Variants in TBRG4 observed in about 807,000 individuals in gnomAD.
The protein encoded by TBRG4 is FAST kinase domain-containing protein 4.
TBRG4 carries 43 observed loss-of-function variants against 65.6 expected under a neutral mutation model. The observed-to-expected ratio is 0.66, with a 90% confidence interval of 0.51 to 0.85. The LOEUF (loss-of-function observed/expected upper bound fraction) is 0.85, where lower values mean the gene tolerates loss of function less well. Ranked by LOEUF, TBRG4 falls within the 40% of genes least tolerant of loss-of-function variation. TBRG4 has a pLI of 0.00. For synonymous variants in TBRG4, 366 were observed against 341.4 expected, an observed-to-expected ratio of 1.07 and a Z score of -0.79; for missense variants, 709 against 787.9, an observed-to-expected ratio of 0.90 and a Z score of 1.20.
In TBRG4 at chr7:45,109,300, AGGAGAGAGAAG is replaced by A; in HGVS notation, c.-50-24_-50-14del. 6.6e-7 allele frequency: 1 copy of A among 1,510,408 alleles called. No homozygotes were observed. Among genetic ancestry groups the A allele is most frequent in the Non-Finnish European group, 8.8e-7 (1 of 1,133,376 alleles). 93.6% of individuals were successfully genotyped at this position (1,510,408 alleles called of 1,614,324 possible). ...GTGATTCCAAACCCTGAAGAGAAAA[AGGAGAGAGAAG>A]GGGCTACTACAGGGGCAGTTCCTGA... On this transcript the variant is annotated splice_polypyrimidine_tract_variant and intron_variant, in intron 1 of 10. Transcript: ENST00000258770.
chr7:45,105,362 G>A, intron 3 of TBRG4, 79 bp downstream of exon 3: 4 of 1,465,610 alleles, frequency 2.7e-6, no homozygotes, highest in Non-Finnish European at 3.7e-6. Context: ...GCACCCCTCT[G>A]CAGACAACTG....
At chr7:45,107,099 C>T (rs899150292) in intron 2 of TBRG4, 3 of 152,100 alleles carry the variant, frequency 2.0e-5, no homozygotes, top group Non-Finnish European at 4.4e-5. Context: ...TATCACTAAG[C>T]CCTGCCCACT....
chr7:45,109,144 C>A lies in TBRG4; in HGVS notation c.94G>T (p.Ala32Ser). Residue 32 changes from alanine to serine, a missense_variant, in exon 2 of 11, where the codon GCC (alanine) becomes TCC (serine). Physicochemically the swap from Ala to Ser is moderately conservative, Grantham distance 99 (BLOSUM62 1). Coordinates refer to ENST00000258770, the MANE Select transcript of TBRG4 (RefSeq NM_004749.4). ...GTCAGAGTCTTATGGGCTACCCAGG[C>A]AAGTCTCAGTCGGCCAACTGGAGCC... The part of the protein sequence containing the change: ...AMAPVGRLRL[A>S]WVAHKTLTSS... 1 of 1,614,184 alleles carries A rather than the reference C, an allele frequency of 6.2e-7. No homozygotes were observed. Among genetic ancestry groups the A allele is most frequent in the South Asian group, 1.1e-5 (1 of 91,084 alleles).
chr7:45,109,592 A>G (rs1030369135), intron 1 of TBRG4, among the ~76,000 whole-genome samples: 2 of 152,162 alleles, frequency 1.3e-5, no homozygotes, highest in Admixed American at 6.5e-5. Flanking sequence ...GTCCTGCCCA[A>G]GGCCTCCTAA....
chr7:45,107,299 T>G (rs781145873), intron 2 of TBRG4: 3 of 152,264 alleles, frequency 2.0e-5, no homozygotes, highest in Non-Finnish European at 4.4e-5. Context: ...TAGTTCTGGG[T>G]CCGGAACCTG....
chr7:45,104,452 T>A (rs546189873), intron 4 of TBRG4, 86 bp downstream of exon 4: 1 of 1,602,014 alleles, frequency 6.2e-7, no homozygotes, highest in East Asian at 2.2e-5. Flanking sequence ...CTACCATGCA[T>A]AGGACAGGTA....
At chr7:45,109,341 C>T in intron 1 of TBRG4, 54 bp from the exon 2 acceptor site, 2 of 1,389,196 alleles carry the variant, frequency 1.4e-6, no homozygotes, top group Non-Finnish European at 1.9e-6. Context: ...TCCTGACTCA[C>T]AAACTTGAGA....
chr7:45,106,411 A>G (rs962532292), intron 2 of TBRG4: 1 of 162,940 alleles, frequency 6.1e-6, no homozygotes, highest in African/African-American at 2.4e-5. Flanking sequence ...AAGAGGTCAG[A>G]GAAAAAGTTG....
Position 45,101,238 on chromosome 7 carries a change from C to A in TBRG4, c.1794+20G>T. On this transcript the variant is annotated intron_variant, in intron 10 of 10. Coordinates refer to ENST00000258770, the MANE Select transcript of TBRG4 (RefSeq NM_004749.4). ...GGGGATTCTCCCTGTGCAGTGACCA[C>A]CTGCCCAAGAGGTACTCACGTCCAC... 2 of 1,607,528 alleles carry A rather than the reference C, an allele frequency of 1.2e-6. No individual in the cohort carries two copies. The highest frequency in any genetic ancestry group is 2.2e-5 in the East Asian group (1 of 44,738).
At chr7:45,106,646 C>T (rs1784966803) in intron 2 of TBRG4, 1 of 152,560 alleles carries the variant, frequency 6.6e-6, no homozygotes, top group Non-Finnish European at 1.5e-5. Context: ...TGTGGTGGCA[C>T]ATGCCTGTAG....
At chr7:45,101,765 G>A (rs1056763299) in intron 8 of TBRG4, 60 bp downstream of exon 8, 5 of 1,598,636 alleles carry the variant, frequency 3.1e-6, no homozygotes, top group Non-Finnish European at 4.2e-6. Context: ...GGGTGGGTTA[G>A]AAGAGTCCCG....
Position 45,109,374 on chromosome 7 carries a change from T to C in TBRG4, c.-50-87A>G, listed in dbSNP as rs1785059485. On this transcript the variant is annotated intron_variant, in intron 1 of 10. Coordinates refer to ENST00000258770, the MANE Select transcript of TBRG4 (RefSeq NM_004749.4). ...AGAAATGAAATAGTCAAAGCCACTCTATCTGTAAAATCAGACTAAGTCTTT... is the reference window on the plus strand; with the variant it reads ...AGAAATGAAATAGTCAAAGCCACTCCATCTGTAAAATCAGACTAAGTCTTT... The C allele has an allele frequency of 1.4e-5, 16 of 1,111,944 alleles. No individual in the cohort carries two copies. In the South Asian group the frequency reaches 3.0e-4, roughly 21 times the overall value. The allele number at this position is 1,111,944 out of a possible 1,614,324, so 68.9% of individuals were successfully genotyped here.
chr7:45,106,792 C>T (rs7781395), intron 2 of TBRG4: 1 of 151,986 alleles, frequency 6.6e-6, no homozygotes, highest in Non-Finnish European at 1.5e-5. Context: ...CAAAACAAAA[C>T]ACACTGGCTT....
chr7:45,102,714 C>G (rs946967061), intron 6 of TBRG4: 2 of 592,932 alleles, frequency 3.4e-6, no homozygotes, highest in Non-Finnish European at 5.8e-6. Flanking sequence ...CCACTCTGAA[C>G]AGCAGAAGAG....
rs532780144 is a variant in TBRG4 at position 45,110,453 on chromosome 7, T to G, written c.-50-1166A>C. Among the ~76,000 whole-genome samples the G allele has an allele frequency of 2.6e-3, 389 of 152,160 alleles. 3 individuals carry two copies. The highest frequency in any genetic ancestry group is 9.1e-3 in the African/African-American group (379 of 41,514). ...AGGCTGAGGCGGGCAGATCACGAGG[T>G]CAGGAGATCGAGACCATCCTGGCTA... On this transcript the variant is annotated intron_variant, in intron 1 of 10. Coordinates refer to ENST00000258770, the MANE Select transcript of TBRG4 (RefSeq NM_004749.4).
rs1033576790 is a variant in TBRG4 at position 45,105,492 on chromosome 7, C to A, written c.684G>T (p.Met228Ile). Residue 228 changes from methionine (M) to isoleucine (I), a missense_variant, in exon 3 of 11, where the codon ATG (methionine) becomes ATT (isoleucine). Physicochemically the swap from Met to Ile is conservative, Grantham distance 10 (BLOSUM62 1). Coordinates refer to ENST00000258770, the MANE Select transcript of TBRG4 (RefSeq NM_004749.4). Reference sequence around the variant, plus strand: ...GCTCCGAGAGGTGTCCCACCTTCATCATGACGGTCACTAATGTGTGGGAAT... The same window carrying A: ...GCTCCGAGAGGTGTCCCACCTTCATAATGACGGTCACTAATGTGTGGGAAT... ...IEDSHTLVTV[M>I]MKVGHLSEPL... is the part of the protein sequence containing the mutation. 1 of 1,613,740 alleles carries A rather than the reference C, an allele frequency of 6.2e-7. No homozygotes were observed. Among genetic ancestry groups the A allele is most frequent in the African/African-American group, 1.3e-5 (1 of 74,948 alleles).
chr7:45,108,677 A>G lies in TBRG4; in HGVS notation c.411+150T>C, dbSNP rs1039265794. On this transcript the variant is annotated intron_variant, in intron 2 of 10. Transcript: ENST00000258770. ...AGGATAAACAAAGAGAAAGCACGATAAAGCACTTTGAAATTTATAAAAAAA... is the reference window on the plus strand; with the variant it reads ...AGGATAAACAAAGAGAAAGCACGATGAAGCACTTTGAAATTTATAAAAAAA... 23 of 608,770 alleles carry G rather than the reference A, an allele frequency of 3.8e-5. No individual in the cohort carries two copies. The African/African-American group carries it at 4.0e-4, about 11-fold the overall frequency. 37.7% of individuals were successfully genotyped at this position (608,770 alleles called of 1,614,324 possible). A position where few individuals can be genotyped will look rare whatever the true frequency, so the allele number is the denominator to read the frequency against.
chr7:45,106,047 C>T (rs778708342), intron 2 of TBRG4: 3 of 659,650 alleles, frequency 4.5e-6, no homozygotes, highest in Non-Finnish European at 5.7e-6. Flanking sequence ...TGGCAGTCTT[C>T]TGGGCCAGTG....
At chr7:45,105,806 C>CA in intron 2 of TBRG4, 42 bp from the exon 3 acceptor site, 2 of 1,569,932 alleles carry the variant, frequency 1.3e-6, no homozygotes, top group South Asian at 2.4e-5. Flanking sequence ...GTGGCACTGT[C>CA]AGTCCTGTGT....
Sources: gnomAD v4.1 joint callset for allele counts (sites outside exome capture counted in the v4.1 genomes callset) on GRCh38, gnomAD v4.1.1 for gene constraint, MANE v1.5 for transcripts, NCBI Gene and HGNC (gene_info 2026-07-23, HGNC 2026-07-21) for gene names.